The following HTT variants were observed in gnomAD, a reference collection of about 807,000 sequenced individuals.
The protein encoded by HTT is huntingtin.
In HTT, 104 loss-of-function variants were observed where a neutral mutation model predicts 362.3. That is an observed-to-expected ratio of 0.29 (90% CI 0.24 to 0.34). The LOEUF (loss-of-function observed/expected upper bound fraction) is 0.34. HTT is among the 10% of genes least tolerant of loss of function. HTT has a pLI of 1.00. For missense variants in HTT, 3,301 were observed against 3,928.6 expected (o/e 0.84, Z 4.27); for synonymous variants, 1,577 against 1,548.7 (o/e 1.02, Z -0.43).
At chr4:3,171,943 A>G (rs1718000493) in intron 29 of HTT, among the ~76,000 whole-genome samples, 1 of 152,224 alleles carries the variant, frequency 6.6e-6, no homozygotes, top group African/African-American at 2.4e-5. Context: ...TTGCTGTATC[A>G]TAGTTGTGTT....
In HTT at chr4:3,222,487, A is replaced by G; in HGVS notation, c.7470A>G (p.Glu2490=). Residue 2490 remains glutamate (E), a splice_region_variant and synonymous_variant, in exon 54 of 67, where the codon GAA becomes GAG. Coordinates refer to ENST00000355072, the MANE Select transcript of HTT (RefSeq NM_001388492.1). ...LVMEQEESPP[E]EDTERTQINV... is the part of the protein sequence containing the mutation. ...TGGAGCAGGAGGAGAGCCCACCAGA[A>G]GTAAGGCCACACCCTGTGCTGGTTG... 1.2e-6 allele frequency: 2 copies of G among 1,612,946 alleles called. No homozygotes were observed. The highest frequency in any genetic ancestry group is 1.1e-5 in the South Asian group (1 of 91,052).
At chr4:3,123,916 A>G (rs1715407414) in intron 10 of HTT, among the ~76,000 whole-genome samples, 1 of 152,160 alleles carries the variant, frequency 6.6e-6, no homozygotes, top group African/African-American at 2.4e-5. Flanking sequence ...GTCACTTTCT[A>G]TTTTGAAATC....
rs1712618283 is a variant in HTT, at chr4:3,077,465, GC to G, written c.263+2378del. 2.0e-5 allele frequency among the ~76,000 whole-genome samples: 3 copies of G among 152,058 alleles called. No individual in the cohort carries two copies. In the South Asian group the frequency reaches 6.2e-4, roughly 32 times the overall value. ...GATGTAGTCTCACATTGTCACCCAG[GC>G]TGGAGTGCAGTGATACAATCTCGGC... On this transcript the variant is annotated intron_variant, in intron 1 of 66. Coordinates refer to ENST00000355072, the MANE Select transcript of HTT (RefSeq NM_001388492.1).
intron 40 of HTT, 68 bp downstream of exon 40, chr4:3,189,161 G>GTA: frequency 7.3e-6 from 11 of 1,504,416 alleles, no homozygotes; most frequent in Non-Finnish European, 9.1e-6. Context: ...CTCTCAGAGT[G>GTA]TAGGAGCTGT....
intron 27 of HTT, 29 bp from the exon 28 acceptor site, chr4:3,157,043 G>GT: frequency 6.4e-7 from 1 of 1,561,930 alleles, no homozygotes; most frequent in South Asian, 1.2e-5. Context: ...TGATCTAAAA[G>GT]TTTATCTTTT....
chr4:3,086,462 G>T (rs1020580309), intron 1 of HTT, among the ~76,000 whole-genome samples: 30 of 152,256 alleles, frequency 2.0e-4, no homozygotes, highest in African/African-American at 7.0e-4. Context: ...CTTGAGGCCA[G>T]GAGTTTGAGC....
At chr4:3,209,593 A>G (rs1451647325) in intron 46 of HTT, among the ~76,000 whole-genome samples, 2 of 152,142 alleles carry the variant, frequency 1.3e-5, no homozygotes, top group African/African-American at 2.4e-5. Flanking sequence ...TGGAAGGCCT[A>G]TTGGAAGTTC....
rs955594035 is a variant in HTT at position 3,145,172 on chromosome 4, G to T, written c.3087G>T (p.Leu1029Phe). The T allele has an allele frequency of 6.2e-7, 1 of 1,613,844 alleles. No individual in the cohort carries two copies. The highest frequency in any genetic ancestry group is 8.5e-7 in the Non-Finnish European group (1 of 1,179,734). ...CTCAGTTTGGATGCTGTGAAGCTTT[G>T]TGTCTTCTTTCCACTGCCTTCCCAG... ...RALTFGCCEA[L>F]CLLSTAFPVC... The change falls in exon 24 of 67, where the codon TTG becomes TTT. Residue 1029 changes from leucine to phenylalanine, a missense_variant. This residue lies in a region of HTT where 2,316 missense variants were observed against 2,658.5 expected (regional missense o/e 0.87). Transcript: ENST00000355072.
At chr4:3,085,283 G>T (rs971510517) in intron 1 of HTT, among the ~76,000 whole-genome samples, 6 of 151,880 alleles carry the variant, frequency 4.0e-5, no homozygotes, top group African/African-American at 1.5e-4. Context: ...GATTATAGGC[G>T]CCCGCCACCA....
At chr4:3,077,067 A>G (rs1712592320) in intron 1 of HTT, among the ~76,000 whole-genome samples, 1 of 152,020 alleles carries the variant, frequency 6.6e-6, no homozygotes, top group Non-Finnish European at 1.5e-5. Context: ...AATCCAAGCT[A>G]CCTGGGAGGC....
At chr4:3,232,898 G>A (rs539080492) in intron 60 of HTT, among the ~76,000 whole-genome samples, 4 of 152,356 alleles carry the variant, frequency 2.6e-5, no homozygotes, top group East Asian at 1.9e-4. Context: ...ACTCCCGGAG[G>A]GAAGGCAAGT....
intron 21 of HTT, among the ~76,000 whole-genome samples, chr4:3,139,956 A>G (rs1302014242): frequency 3.9e-5 from 6 of 152,238 alleles, no homozygotes; most frequent in African/African-American, 1.4e-4. Context: ...ATGACAGACA[A>G]AAGAAAGTAC....
chr4:3,220,136 G>T, intron 52 of HTT, 46 bp from the exon 53 acceptor site: 11 of 1,611,990 alleles, frequency 6.8e-6, no homozygotes, highest in Non-Finnish European at 9.3e-6. Context: ...CAGTATGTCT[G>T]TCCTGACTCA....
chr4:3,162,609 G>A (rs1385595382), intron 29 of HTT, among the ~76,000 whole-genome samples: 1 of 152,128 alleles, frequency 6.6e-6, no homozygotes, highest in African/African-American at 2.4e-5. Context: ...CTTGAGCAGT[G>A]GTTTGTAGTT....
chr4:3,127,477 C>G lies in HTT; in HGVS notation c.1616C>G (p.Ala539Gly). 6.2e-7 allele frequency: 1 copy of G among 1,614,162 alleles called. No individual in the cohort carries two copies. Among genetic ancestry groups the G allele is most frequent in the Non-Finnish European group, 8.5e-7 (1 of 1,179,996 alleles). ...ILSHSSSQVS[A>G]VPSDPAMDLN... is the part of the protein sequence containing the mutation. Reference sequence around the variant, plus strand: ...AGCCACAGCTCCAGCCAGGTCAGCGCCGTCCCATCTGACCCTGCCATGGAC... The same window carrying G: ...AGCCACAGCTCCAGCCAGGTCAGCGGCGTCCCATCTGACCCTGCCATGGAC... The change falls in exon 12 of 67, where the codon GCC becomes GGC. Residue 539 changes from alanine to glycine, a missense_variant. Coordinates refer to ENST00000355072, the MANE Select transcript of HTT (RefSeq NM_001388492.1).
chr4:3,198,671 A>G (rs1719381006), intron 40 of HTT, among the ~76,000 whole-genome samples: 1 of 152,200 alleles, frequency 6.6e-6, no homozygotes, highest in Non-Finnish European at 1.5e-5. Context: ...CAGCCTGTGC[A>G]TGTCTCTGTG....
intron 36 of HTT, among the ~76,000 whole-genome samples, chr4:3,181,593 T>G (rs141564962): frequency 6.6e-6 from 1 of 152,216 alleles, no homozygotes; most frequent in South Asian, 2.1e-4. Flanking sequence ...TGTCTTTGAA[T>G]CTTCATAAAG....
At chr4:3,235,435 G>T in intron 62 of HTT, 37 bp downstream of exon 62, 2 of 1,510,096 alleles carry the variant, frequency 1.3e-6, no homozygotes, top group Non-Finnish European at 1.8e-6. Context: ...TGCACACGGG[G>T]AGTGGGCTTC....
intron 26 of HTT, among the ~76,000 whole-genome samples, chr4:3,150,363 A>C (rs1479909973): frequency 6.6e-6 from 1 of 152,208 alleles, no homozygotes; most frequent in Admixed American, 6.5e-5. Context: ...AGTATTGGGC[A>C]GGGCAGCCTG....
Sources: allele counts gnomAD v4.1 joint callset (sites outside exome capture counted in the v4.1 genomes callset), GRCh38; gene constraint gnomAD v4.1.1; regional missense constraint gnomAD v4.1.1; transcripts MANE v1.5; gene names NCBI Gene and HGNC (gene_info 2026-07-23, HGNC 2026-07-21).